RAP1GAP: variants seen among roughly 807,000 people sequenced by gnomAD.
RAP1GAP encodes rap1 GTPase-activating protein 1.
A neutral mutation model predicts 87.2 loss-of-function variants in RAP1GAP; 35 were observed. That is an observed-to-expected ratio of 0.40 (90% CI 0.31 to 0.53). The LOEUF (loss-of-function observed/expected upper bound fraction) is 0.53. Among genes scored for constraint, RAP1GAP ranks in the 20% least tolerant of loss-of-function variants. RAP1GAP has a pLI of 0.48. For missense variants in RAP1GAP, 734 were observed against 898.9 expected, an observed-to-expected ratio of 0.82 and a Z score of 2.35; for synonymous variants, 375 against 363.9, an observed-to-expected ratio of 1.03 and a Z score of -0.35.
chr1:21,621,870 G>A (rs1185128372), intron 3 of RAP1GAP, among the ~76,000 whole-genome samples: 1 of 152,158 alleles, frequency 6.6e-6, no homozygotes, highest in Non-Finnish European at 1.5e-5. Flanking sequence ...CTGACACATG[G>A]TCCTGTCACC....
At chr1:21,626,227 G>T in intron 3 of RAP1GAP, 77 bp downstream of exon 3, 1 of 1,296,326 alleles carries the variant, frequency 7.7e-7, no homozygotes, top group Non-Finnish European at 1.1e-6. Context: ...AGTCATTCTT[G>T]GGCCTTTCCC....
intron 2 of RAP1GAP, among the ~76,000 whole-genome samples, chr1:21,628,889 G>GAA (rs34293561): frequency 9.4e-5 from 13 of 138,360 alleles, no homozygotes; most frequent in African/African-American, 1.8e-4. Context: ...CTCCACCTCA[G>GAA]AAAAAAAAAA....
intron 1 of RAP1GAP, chr1:21,651,526 C>T (rs1375413925): frequency 1.6e-5 from 11 of 667,974 alleles, no homozygotes; most frequent in Non-Finnish European, 2.9e-5. Flanking sequence ...CAATGTCCAC[C>T]CTGCACTCAC....
rs752335008 is a variant in RAP1GAP at position 21,649,781 on chromosome 1, G to A, written c.-133C>T. 180 of 1,552,402 alleles carry A rather than the reference G, an allele frequency of 1.2e-4. No individual in the cohort carries two copies. Among genetic ancestry groups the A allele is most frequent in the Non-Finnish European group, 1.5e-4 (174 of 1,147,486 alleles). ...CTCACCACACACTCCGGCGAGAAGT[G>A]AAGGACTTGTCCACCCTGAAACACA... On this transcript the variant is annotated 5_prime_UTR_variant, in exon 2 of 25. Transcript: ENST00000374765.
At chr1:21,606,293 A>G in intron 17 of RAP1GAP, 96 bp from the exon 18 acceptor site, 1 of 1,475,686 alleles carries the variant, frequency 6.8e-7, no homozygotes, top group Admixed American at 2.1e-5. Context: ...CTCCCCAGCA[A>G]TGCCACTCTG....
intron 1 of RAP1GAP, among the ~76,000 whole-genome samples, chr1:21,653,908 C>T (rs2096752511): frequency 6.6e-6 from 1 of 152,130 alleles, no homozygotes; most frequent in African/African-American, 2.4e-5. Flanking sequence ...AGCCAAGGGG[C>T]CGCCAACGTG....
At chr1:21,619,259 C>T (rs557443314) in intron 4 of RAP1GAP, among the ~76,000 whole-genome samples, 187 bp from the exon 5 acceptor site, 13 of 152,114 alleles carry the variant, frequency 8.5e-5, no homozygotes, top group South Asian at 6.2e-4. Context: ...CGGTAGTGAC[C>T]GGGGCTGGAG....
chr1:21,616,610 C>T (rs2082331324), intron 7 of RAP1GAP, among the ~76,000 whole-genome samples: 1 of 152,240 alleles, frequency 6.6e-6, no homozygotes, highest in Non-Finnish European at 1.5e-5. Context: ...CGGCCTGCAA[C>T]CTGACACACA....
In RAP1GAP at chr1:21,613,161, C is replaced by T; in HGVS notation, c.528+15G>A. The T allele has an allele frequency of 6.5e-7, 1 of 1,535,398 alleles. No homozygotes were observed. Among genetic ancestry groups the T allele is most frequent in the East Asian group, 2.2e-5 (1 of 44,490 alleles). On this transcript the variant is annotated intron_variant, in intron 10 of 24. Transcript: ENST00000374765. This position sits in a 1 kb window ranked among gnomAD's most constrained non-coding sequence, Gnocchi z 4.7. Reference sequence around the variant, plus strand: ...TCACCCACCCTCAGTGAGCTGTGCCCAGATCCAGCCATACCTTGGGGTAGA... The same window carrying T: ...TCACCCACCCTCAGTGAGCTGTGCCTAGATCCAGCCATACCTTGGGGTAGA...
chr1:21,631,101 C>T (rs1233885491), intron 2 of RAP1GAP, among the ~76,000 whole-genome samples: 2 of 152,170 alleles, frequency 1.3e-5, no homozygotes, highest in African/African-American at 4.8e-5. Context: ...CTCTCCTATC[C>T]CACCCTGGTC....
At chr1:21,647,193 T>C (rs1558861892) in intron 2 of RAP1GAP, among the ~76,000 whole-genome samples, 1 of 152,142 alleles carries the variant, frequency 6.6e-6, no homozygotes, top group Non-Finnish European at 1.5e-5. Flanking sequence ...AAGTGGGGGC[T>C]AAGTTGAGCT....
intron 1 of RAP1GAP, among the ~76,000 whole-genome samples, chr1:21,659,956 T>C (rs956029851): frequency 6.6e-6 from 1 of 152,022 alleles, no homozygotes; most frequent in African/African-American, 2.4e-5. Context: ...CTCTCTGAGG[T>C]CTTCACACTG....
intron 2 of RAP1GAP, among the ~76,000 whole-genome samples, chr1:21,641,083 T>TTTTC (rs1287681447): frequency 1.3e-5 from 2 of 150,316 alleles, no homozygotes; most frequent in Admixed American, 1.3e-4. Flanking sequence ...AATTTTTTTT[T>TTTTC]TTTTTTTTGT....
At chr1:21,647,569 C>T (rs748125155) in intron 2 of RAP1GAP, among the ~76,000 whole-genome samples, 14 of 152,304 alleles carry the variant, frequency 9.2e-5, no homozygotes, top group Middle Eastern at 3.4e-3. Flanking sequence ...AGTCAGCTCC[C>T]GGAAATGCCC....
chr1:21,647,551 T>C (rs914244420), intron 2 of RAP1GAP, among the ~76,000 whole-genome samples: 2 of 152,164 alleles, frequency 1.3e-5, no homozygotes, highest in African/African-American at 4.8e-5. Flanking sequence ...CACATGCAGC[T>C]CACCTGAAGT....
intron 10 of RAP1GAP, among the ~76,000 whole-genome samples, chr1:21,612,723 C>G (rs1558678540): frequency 6.6e-6 from 1 of 152,196 alleles, no homozygotes; most frequent in South Asian, 2.1e-4. Context: ...AAGGCAGAAG[C>G]CCGTGCCCCT....
In RAP1GAP at chr1:21,612,023, C is replaced by T. The variant is rs1340799720; in HGVS notation, c.612+3G>A. ...AGGGGCGGCAGGGAGGAGGTGAGCACACCTGCCCAAGCTTCTGATAAATGA... is the reference window on the plus strand; with the variant it reads ...AGGGGCGGCAGGGAGGAGGTGAGCATACCTGCCCAAGCTTCTGATAAATGA... On this transcript the variant is annotated splice_donor_region_variant and intron_variant, in intron 11 of 24. Transcript: ENST00000374765. 1.9e-6 allele frequency: 3 copies of T among 1,549,200 alleles called. No individual in the cohort carries two copies. Among genetic ancestry groups the T allele is most frequent in the Non-Finnish European group, 1.8e-6 (2 of 1,142,736 alleles).
intron 3 of RAP1GAP, among the ~76,000 whole-genome samples, chr1:21,625,369 G>A (rs1412065230): frequency 6.6e-6 from 1 of 152,166 alleles, no homozygotes; most frequent in Admixed American, 6.5e-5. Context: ...TTACTAAAAG[G>A]ACCAGGTGGC....
chr1:21,644,696 G>A (rs550175232), intron 2 of RAP1GAP, among the ~76,000 whole-genome samples: 4 of 152,082 alleles, frequency 2.6e-5, no homozygotes, highest in Admixed American at 6.5e-5. Flanking sequence ...TCAGGAGCTC[G>A]AAACCAGCCT....
Sources: allele counts gnomAD v4.1 joint callset (sites outside exome capture counted in the v4.1 genomes callset), GRCh38; gene constraint gnomAD v4.1.1; non-coding constraint Gnocchi (gnomAD v3.1); transcripts MANE v1.5; gene names NCBI Gene and HGNC (gene_info 2026-07-23, HGNC 2026-07-21).